The following FARS2 variants were observed in gnomAD, a reference collection of about 807,000 sequenced individuals.
The protein encoded by FARS2 is phenylalanine--tRNA ligase, mitochondrial.
FARS2 carries 40 observed loss-of-function variants against 46.4 expected under a neutral mutation model. The observed-to-expected ratio is 0.86, with a 90% CI of 0.67 to 1.12. The LOEUF (loss-of-function observed/expected upper bound fraction) is 1.12, where lower values mean the gene tolerates loss of function less well. Among genes scored for constraint, FARS2 ranks in the 50% most tolerant of loss-of-function variants. The pLI, the probability that FARS2 is intolerant of heterozygous loss-of-function variation, is 0.00. For missense variants in FARS2, 513 were observed against 567.9 expected (o/e 0.90, Z 0.98); for synonymous variants, 234 against 214.9 (o/e 1.09, Z -0.78).
intron 3 of FARS2, among the ~76,000 whole-genome samples, chr6:5,422,736 T>C (rs1461172388): frequency 6.6e-6 from 1 of 152,230 alleles, no homozygotes; most frequent in African/African-American, 2.4e-5. Context: ...GCCCAGCATA[T>C]AGTAAATGAA....
chr6:5,553,840 G>C (rs2150520804), intron 5 of FARS2, among the ~76,000 whole-genome samples: 1 of 152,112 alleles, frequency 6.6e-6, no homozygotes, highest in South Asian at 2.1e-4. Context: ...TCATGCTGCT[G>C]GTCCACGAGC....
chr6:5,551,766 G>A lies in FARS2; in HGVS notation c.1065+6426G>A, dbSNP rs185986782. Among the ~76,000 whole-genome samples, 58 of 152,204 alleles carry A rather than the reference G, an allele frequency of 3.8e-4. 1 individual carries two copies. Among genetic ancestry groups the A allele is most frequent in the Admixed American group, 2.9e-3 (45 of 15,280 alleles). ...AGAATCTGTTCCCTTGCCTTTGCCC[G>A]TCTAGAGACAGTCCTCAGTTCTTAG... On this transcript the variant is annotated intron_variant, in intron 5 of 6. Transcript: ENST00000274680.
Position 5,431,140 on chromosome 6 carries a change from G to A in FARS2, c.872G>A (p.Cys291Tyr). The A allele has an allele frequency of 6.2e-7, 1 of 1,613,990 alleles. No individual in the cohort carries two copies. Among genetic ancestry groups the A allele is most frequent in the Non-Finnish European group, 8.5e-7 (1 of 1,179,892 alleles). Residue 291 changes from cysteine to tyrosine, a missense_variant, in exon 4 of 7, where the codon TGC (cysteine) becomes TAC (tyrosine). Coordinates refer to ENST00000274680, the MANE Select transcript of FARS2 (RefSeq NM_006567.5). ...FHGEWLEVLG[C>Y]GVMEQQLVNS... ...GGAGAATGGCTGGAAGTTCTTGGCT[G>A]CGGGGTGATGGAACAACAACTGGTC...
At chr6:5,348,203 G>A (rs1045446421) in intron 1 of FARS2, among the ~76,000 whole-genome samples, 3 of 152,046 alleles carry the variant, frequency 2.0e-5, no homozygotes, top group East Asian at 3.9e-4. Context: ...TTTCTTTCAC[G>A]ATTACTGCTT....
chr6:5,256,491 GAAAAAAAAAAAAAAAAAAAAAAAAA>G (rs1161084364), upstream of FARS2, among the ~76,000 whole-genome samples: 2 of 43,860 alleles, frequency 4.6e-5, no homozygotes, highest in Admixed American at 3.4e-4. Context: ...ATTTCAACTG[GAAAAAAAAAAAAAAAAAAAAAAAAA>G]AAAAAAAAAA....
intron 6 of FARS2, among the ~76,000 whole-genome samples, chr6:5,653,240 A>G (rs1432403003): frequency 6.6e-6 from 1 of 152,222 alleles, no homozygotes; most frequent in Non-Finnish European, 1.5e-5. Context: ...TTACTGAAGT[A>G]TCCTCTTATT....
chr6:5,415,575 C>T (rs539894719), intron 3 of FARS2, among the ~76,000 whole-genome samples: 32 of 152,164 alleles, frequency 2.1e-4, no homozygotes, highest in Non-Finnish European at 3.4e-4. Context: ...CCTCGGCCTC[C>T]CAAAGTGTTG....
intron 1 of FARS2, among the ~76,000 whole-genome samples, chr6:5,315,741 C>CTTTCTTTCTTTCTTTCTTT (rs755531154): frequency 1.5e-4 from 9 of 60,072 alleles, no homozygotes; most frequent in East Asian, 1.3e-3. Context: ...TTTCTTTTTT[C>CTTTCTTTCTTTCTTTCTTT]CTTTCTTTCT....
At chr6:5,331,686 C>T (rs113682307) in intron 1 of FARS2, among the ~76,000 whole-genome samples, 2,664 of 152,178 alleles carry the variant, frequency 0.018, 35 homozygotes, top group Middle Eastern at 0.034. Context: ...AAAGGCAGAG[C>T]GAGGTCAACA....
In FARS2 at chr6:5,442,659, T is replaced by C. The variant is rs538922685; in HGVS notation, c.904+11487T>C. Reference sequence around the variant, plus strand: ...TGACTTTCAAGCATTTACCCTCTCTTTCCTAGTGTTCTGTCAGATTTAGTC... The same window carrying C: ...TGACTTTCAAGCATTTACCCTCTCTCTCCTAGTGTTCTGTCAGATTTAGTC... On this transcript the variant is annotated intron_variant, in intron 4 of 6. Transcript: ENST00000274680. 3.3e-5 allele frequency among the ~76,000 whole-genome samples: 5 copies of C among 152,306 alleles called. No homozygotes were observed. The East Asian group carries it at 9.6e-4, about 29-fold the overall frequency.
chr6:5,522,546 T>C (rs1467646128), intron 4 of FARS2, among the ~76,000 whole-genome samples: 1 of 152,280 alleles, frequency 6.6e-6, no homozygotes, highest in Non-Finnish European at 1.5e-5. Flanking sequence ...AGAAGTTTCA[T>C]GTGCTCGGAC....
intron 1 of FARS2, among the ~76,000 whole-genome samples, chr6:5,348,819 G>A (rs1757399817): frequency 6.6e-6 from 1 of 152,036 alleles, no homozygotes; most frequent in African/African-American, 2.4e-5. Flanking sequence ...CTAGGGATAA[G>A]AGGCAAACTT....
chr6:5,437,417 A>G (rs1005300120), intron 4 of FARS2, among the ~76,000 whole-genome samples: 1 of 152,150 alleles, frequency 6.6e-6, no homozygotes, highest in Non-Finnish European at 1.5e-5. Context: ...TTTTGGTCTT[A>G]GTACTCTATC....
intron 4 of FARS2, among the ~76,000 whole-genome samples, chr6:5,521,091 C>T (rs1769104478): frequency 1.3e-5 from 2 of 151,110 alleles, no homozygotes; most frequent in South Asian, 4.2e-4. Flanking sequence ...TCTTAGAAAT[C>T]CTTCGTTTCC....
intron 5 of FARS2, among the ~76,000 whole-genome samples, chr6:5,590,651 A>T (rs546027814): frequency 6.6e-6 from 1 of 152,356 alleles, no homozygotes; most frequent in Non-Finnish European, 1.5e-5. Context: ...CCATATGTGC[A>T]GTCCTCATCC....
chr6:5,312,656 T>C (rs1769162357), intron 1 of FARS2, among the ~76,000 whole-genome samples: 1 of 152,218 alleles, frequency 6.6e-6, no homozygotes, highest in Non-Finnish European at 1.5e-5. Context: ...TGGGCTCTTG[T>C]TCCCTAAAGA....
In FARS2 at chr6:5,717,931, T is replaced by TAGAGAGAGAGAGAGAGAGAGAG. The variant is rs1175182131; in HGVS notation, c.1218-53359_1218-53358insGAGAGAGAGAGAGAGAGAGAGA. Among the ~76,000 whole-genome samples, 62 of 118,512 alleles carry TAGAGAGAGAGAGAGAGAGAGAG rather than the reference T, an allele frequency of 5.2e-4. 3 individuals carry two copies. The highest frequency in any genetic ancestry group is 1.0e-3 in the African/African-American group (22 of 22,056). The allele number at this position is 118,512 out of a possible 152,430, so 77.7% of individuals were successfully genotyped here. ...AGCTATATATATATATATATATATA[T>TAGAGAGAGAGAGAGAGAGAGAG]ATATACAGAGTCTCACTCTGTCGCC... On this transcript the variant is annotated intron_variant, in intron 6 of 6. Coordinates refer to ENST00000274680, the MANE Select transcript of FARS2 (RefSeq NM_006567.5).
intron 4 of FARS2, among the ~76,000 whole-genome samples, chr6:5,437,971 TTA>T (rs1346009361): frequency 6.6e-6 from 1 of 152,144 alleles, no homozygotes; most frequent in Non-Finnish European, 1.5e-5. Flanking sequence ...TAGCGTTATT[TTA>T]TGTGAGAATG....
chr6:5,394,890 C>T (rs1389884368), intron 2 of FARS2, among the ~76,000 whole-genome samples: 1 of 152,088 alleles, frequency 6.6e-6, no homozygotes, highest in African/African-American at 2.4e-5. Flanking sequence ...GGTACAGAAA[C>T]CATATTCCAT....
Sources: gnomAD v4.1 joint callset for allele counts (sites outside exome capture counted in the v4.1 genomes callset) on GRCh38, gnomAD v4.1.1 for gene constraint, MANE v1.5 for transcripts, NCBI Gene and HGNC (gene_info 2026-07-23, HGNC 2026-07-21) for gene names.